SEC24B: variants seen among roughly 807,000 people sequenced by gnomAD.
The protein encoded by SEC24B is SEC24 homolog B, COPII component.
In SEC24B, 45 loss-of-function variants were observed where a neutral mutation model predicts 142.8. That is an observed-to-expected ratio of 0.32 (90% confidence interval 0.25 to 0.40). The LOEUF is 0.40. Among genes scored for constraint, SEC24B ranks in the 10% least tolerant of loss-of-function variants. SEC24B has a pLI of 1.00. For synonymous variants in SEC24B, 574 were observed against 568.2 expected (o/e 1.01, Z -0.15); for missense variants, 1,409 against 1,526.8 (o/e 0.92, Z 1.29).
intron 1 of SEC24B, among the ~76,000 whole-genome samples, chr4:109,458,329 GA>G (rs2125923588): frequency 6.6e-6 from 1 of 151,872 alleles, no homozygotes; most frequent in African/African-American, 2.4e-5. Flanking sequence ...TTCATTTTTG[GA>G]ATAGATTTAT....
At chr4:109,535,887 T>A (rs1725484456) in intron 22 of SEC24B, among the ~76,000 whole-genome samples, 1 of 152,036 alleles carries the variant, frequency 6.6e-6, no homozygotes, top group Non-Finnish European at 1.5e-5. Context: ...TAAACACAAA[T>A]TTTTCAGTAG....
chr4:109,491,336 G>A lies in SEC24B; in HGVS notation c.1175G>A (p.Ser392Asn), dbSNP rs774940083. 5.0e-6 allele frequency: 8 copies of A among 1,611,390 alleles called. No homozygotes were observed. Among genetic ancestry groups the A allele is most frequent in the Non-Finnish European group, 5.9e-6 (7 of 1,178,352 alleles). Residue 392 changes from serine (S) to asparagine (N), a missense_variant, in exon 5 of 24, where the codon AGC becomes AAC. Ser to Asn is a conservative substitution (Grantham distance 46). Around this residue, in one of 2 missense-constraint regions of SEC24B, gnomAD observed 709 missense variants for 673.5 expected, o/e 1.05. Transcript: ENST00000265175. Reference sequence around the variant, plus strand: ...TTGGTTTTCCTTTTAGGTGTTGACAGCTCTTCTACCACAAGCAGTGCTTCT... The same window carrying A: ...TTGGTTTTCCTTTTAGGTGTTGACAACTCTTCTACCACAAGCAGTGCTTCT... ...EEEDEEAGVD[S>N]SSTTSSASPM...
chr4:109,491,389 G>A lies in SEC24B; in HGVS notation c.1228G>A (p.Glu410Lys), dbSNP rs1489164584. Residue 410 changes from glutamate (E) to lysine (K), a missense_variant, in exon 5 of 24, where the codon GAA (glutamate) becomes AAA (lysine). Glu to Lys is a moderately conservative substitution (Grantham distance 56, BLOSUM62 1). Coordinates refer to ENST00000265175, the MANE Select transcript of SEC24B (RefSeq NM_006323.5). ...SPMPNSYDAL[E>K]GGSYPDMLSS... Reference sequence around the variant, plus strand: ...AATGCCCAACAGTTATGATGCCCTGGAAGGAGGCAGTTACCCAGGTAATTT... The same window carrying A: ...AATGCCCAACAGTTATGATGCCCTGAAAGGAGGCAGTTACCCAGGTAATTT... The A allele has an allele frequency of 5.6e-6, 9 of 1,613,154 alleles. No individual in the cohort carries two copies. The highest frequency in any genetic ancestry group is 1.3e-5 in the African/African-American group (1 of 74,902).
At chr4:109,489,228 T>TA (rs1734722809) in intron 4 of SEC24B, among the ~76,000 whole-genome samples, 1 of 152,148 alleles carries the variant, frequency 6.6e-6, no homozygotes, top group Non-Finnish European at 1.5e-5. Flanking sequence ...TTTTAGCACT[T>TA]ACATTTTATG....
rs1391756898 is a variant in SEC24B, at chr4:109,539,715, GGT to G, written c.*41_*42del. On this transcript the variant is annotated 3_prime_UTR_variant, in exon 24 of 24. Transcript: ENST00000265175. Reference sequence around the variant, plus strand: ...GAATAAGAAAAAGATCTATAACCTAGGTAAAGCATAATCTGTCAGAGAAGCGC... The same window carrying G: ...GAATAAGAAAAAGATCTATAACCTAGAAAGCATAATCTGTCAGAGAAGCGC... 5 of 1,334,732 alleles carry G rather than the reference GGT, an allele frequency of 3.7e-6. No homozygotes were observed. Among genetic ancestry groups the G allele is most frequent in the African/African-American group, 1.5e-5 (1 of 68,478 alleles). 82.7% of individuals were successfully genotyped at this position (1,334,732 alleles called of 1,614,324 possible). A position where few individuals can be genotyped will look rare whatever the true frequency, so the allele number is the denominator to read the frequency against.
chr4:109,509,613 C>G (rs901947518), intron 7 of SEC24B, among the ~76,000 whole-genome samples: 3 of 146,766 alleles, frequency 2.0e-5, no homozygotes, highest in Admixed American at 1.4e-4. Flanking sequence ...GGAGGCGGAG[C>G]TTGCAGTGAG....
intron 6 of SEC24B, among the ~76,000 whole-genome samples, chr4:109,505,080 T>G (rs1355856744): frequency 1.3e-5 from 2 of 151,996 alleles, no homozygotes; most frequent in Non-Finnish European, 2.9e-5. Flanking sequence ...TAGGCAGAGG[T>G]GTCAAGAGTG....
At chr4:109,440,599 A>G (rs1037711725) in intron 1 of SEC24B, among the ~76,000 whole-genome samples, 2 of 152,228 alleles carry the variant, frequency 1.3e-5, no homozygotes, top group Admixed American at 1.3e-4. Context: ...TCAGAGTATA[A>G]TAATACCTTT....
At chr4:109,511,362 A>G (rs915955337) in intron 8 of SEC24B, among the ~76,000 whole-genome samples, 2 of 152,160 alleles carry the variant, frequency 1.3e-5, no homozygotes, top group Non-Finnish European at 2.9e-5. Context: ...AAAGATCAAA[A>G]TGTTCATGTG....
chr4:109,522,009 G>T (rs1196595988), intron 14 of SEC24B, among the ~76,000 whole-genome samples: 4 of 151,424 alleles, frequency 2.6e-5, no homozygotes, highest in African/African-American at 7.3e-5. Flanking sequence ...GGGATTACAG[G>T]CATGAGCTAC....
intron 1 of SEC24B, among the ~76,000 whole-genome samples, chr4:109,460,867 A>T (rs1046720370): frequency 6.6e-6 from 1 of 151,804 alleles, no homozygotes; most frequent in Non-Finnish European, 1.5e-5. Context: ...AGATGAAAGT[A>T]TAAAACACTA....
chr4:109,443,403 A>C (rs879645727), intron 1 of SEC24B, among the ~76,000 whole-genome samples: 1 of 152,100 alleles, frequency 6.6e-6, no homozygotes, highest in Non-Finnish European at 1.5e-5. Context: ...TAATCCTAAC[A>C]GTTATATATA....
chr4:109,520,351 C>G lies in SEC24B; in HGVS notation c.2127-15C>G, dbSNP rs1371306736. 1.4e-6 allele frequency: 2 copies of G among 1,480,976 alleles called. No homozygotes were observed. Among genetic ancestry groups the G allele is most frequent in the Non-Finnish European group, 1.9e-6 (2 of 1,067,802 alleles). 91.7% of individuals were successfully genotyped at this position (1,480,976 alleles called of 1,614,324 possible). A position where few individuals can be genotyped will look rare whatever the true frequency, so the allele number is the denominator to read the frequency against. On this transcript the variant is annotated splice_polypyrimidine_tract_variant and intron_variant, in intron 11 of 23. Transcript: ENST00000265175. ...CTGAGCACTCTGAATTTAAAATTGT[C>G]ATTTTTATCTTTAGGCTTCCTGGAG...
At chr4:109,496,178 T>A (rs944209884) in intron 6 of SEC24B, among the ~76,000 whole-genome samples, 1 of 152,118 alleles carries the variant, frequency 6.6e-6, no homozygotes, top group Middle Eastern at 3.4e-3. Context: ...AGTGGCGCTA[T>A]CTCAGCTCAC....
intron 1 of SEC24B, among the ~76,000 whole-genome samples, chr4:109,455,965 A>G (rs976652563): frequency 3.9e-5 from 6 of 152,224 alleles, no homozygotes; most frequent in African/African-American, 1.4e-4. Context: ...CTAAAGATCA[A>G]AATTGAGATA....
intron 4 of SEC24B, among the ~76,000 whole-genome samples, chr4:109,485,619 A>G (rs1734277681): frequency 6.6e-6 from 1 of 152,204 alleles, no homozygotes; most frequent in Non-Finnish European, 1.5e-5. Flanking sequence ...GTTGGTTGCA[A>G]ATTAAAGAAA....
intron 10 of SEC24B, among the ~76,000 whole-genome samples, chr4:109,514,561 T>C (rs1312681301): frequency 6.6e-6 from 1 of 151,976 alleles, no homozygotes; most frequent in Non-Finnish European, 1.5e-5. Flanking sequence ...TAGCTGGGCG[T>C]GGTGGTGCAC....
chr4:109,470,444 C>T (rs1271510702), intron 2 of SEC24B, among the ~76,000 whole-genome samples: 1 of 152,200 alleles, frequency 6.6e-6, no homozygotes, highest in Non-Finnish European at 1.5e-5. Context: ...ATGGATGCCT[C>T]TATGGCAAAT....
At chr4:109,475,756 T>G (rs1733045997) in intron 3 of SEC24B, among the ~76,000 whole-genome samples, 4 of 152,134 alleles carry the variant, frequency 2.6e-5, no homozygotes, top group African/African-American at 9.7e-5. Context: ...CTTTAACATT[T>G]GGGAAGTTTA....
Sources: allele counts gnomAD v4.1 joint callset (sites outside exome capture counted in the v4.1 genomes callset), GRCh38; gene constraint gnomAD v4.1.1; regional missense constraint gnomAD v4.1.1; transcripts MANE v1.5; gene names NCBI Gene and HGNC (gene_info 2026-07-23, HGNC 2026-07-21).